CNTN1: variants seen among roughly 807,000 people sequenced by gnomAD.
CNTN1 encodes the protein contactin-1.
In CNTN1, 38 loss-of-function variants were observed where a neutral mutation model predicts 126.4. The ratio of observed to expected loss-of-function variants is 0.30; its 90% CI spans 0.23 to 0.39. The LOEUF is 0.39. Ranked by LOEUF, CNTN1 falls within the 10% of genes least tolerant of loss-of-function variation. The pLI is 1.00. For missense variants in CNTN1, 1,009 were observed against 1,248.4 expected (o/e 0.81, Z 2.89); for synonymous variants, 413 against 422.6 (o/e 0.98, Z 0.28).
At chr12:40,777,306 T>C (rs561271790) in intron 1 of CNTN1, among the ~76,000 whole-genome samples, 1 of 151,774 alleles carries the variant, frequency 6.6e-6, no homozygotes, top group Non-Finnish European at 1.5e-5. Context: ...TTGAAATTTC[T>C]TTTATATATG....
intron 1 of CNTN1, among the ~76,000 whole-genome samples, chr12:40,699,669 C>G: frequency 6.6e-6 from 1 of 151,924 alleles, no homozygotes; most frequent in East Asian, 1.9e-4. Flanking sequence ...TGGTAGATTA[C>G]AAAGCATGGT....
intron 1 of CNTN1, among the ~76,000 whole-genome samples, chr12:40,822,848 C>G (rs1592126565): frequency 6.6e-6 from 1 of 152,168 alleles, no homozygotes; most frequent in East Asian, 1.9e-4. Flanking sequence ...AATCCATCAC[C>G]CAGGTAATGA....
chr12:41,059,393 C>A (rs1012392931), intron 23 of CNTN1, among the ~76,000 whole-genome samples: 13 of 152,146 alleles, frequency 8.5e-5, no homozygotes, highest in African/African-American at 3.1e-4. Context: ...TATTGGCTGT[C>A]ATTGCTATTG....
intron 15 of CNTN1, among the ~76,000 whole-genome samples, chr12:40,980,120 C>G (rs1947780251): frequency 6.6e-6 from 1 of 151,984 alleles, no homozygotes; most frequent in African/African-American, 2.4e-5. Flanking sequence ...AATGAATTAC[C>G]TATAACATTT....
chr12:40,965,473 A>G (rs919532359), intron 15 of CNTN1, among the ~76,000 whole-genome samples: 6 of 152,194 alleles, frequency 3.9e-5, no homozygotes, highest in African/African-American at 1.4e-4. Context: ...AATTTTTACT[A>G]AATAGTAAAA....
chr12:41,067,494 G>A (rs1401544161), intron 23 of CNTN1, among the ~76,000 whole-genome samples: 2 of 151,826 alleles, frequency 1.3e-5, no homozygotes, highest in Non-Finnish European at 2.9e-5. Flanking sequence ...TCAGAATGAT[G>A]ATTTCCAATT....
chr12:40,822,146 A>ATTTTTTTTTTTTTTTTTT (rs1315956279), intron 1 of CNTN1, among the ~76,000 whole-genome samples: 48 of 81,874 alleles, frequency 5.9e-4, no homozygotes, highest in Non-Finnish European at 9.4e-4. Flanking sequence ...CAAAATATAA[A>ATTTTTTTTTTTTTTTTTT]TCTTTTTTTT....
At chr12:40,848,815 C>T (rs1339186902) in intron 1 of CNTN1, among the ~76,000 whole-genome samples, 1 of 131,024 alleles carries the variant, frequency 7.6e-6, no homozygotes, top group Non-Finnish European at 1.6e-5. Context: ...CACTCTAGGG[C>T]ACCAGGTGTG....
At chr12:40,904,877 G>T (rs1330832383) in intron 1 of CNTN1, among the ~76,000 whole-genome samples, 1 of 152,202 alleles carries the variant, frequency 6.6e-6, no homozygotes, top group Non-Finnish European at 1.5e-5. Flanking sequence ...AACAAGATAT[G>T]TATCCCCTGC....
chr12:40,864,286 C>CT (rs1190722638), intron 1 of CNTN1, among the ~76,000 whole-genome samples: 25 of 152,082 alleles, frequency 1.6e-4, no homozygotes, highest in African/African-American at 5.3e-4. Context: ...TCTCAAAGTG[C>CT]TGGGATTACA....
At chr12:41,008,512 T>C (rs1452922554) in intron 17 of CNTN1, among the ~76,000 whole-genome samples, 1 of 152,174 alleles carries the variant, frequency 6.6e-6, no homozygotes, top group African/African-American at 2.4e-5. Flanking sequence ...TTGGGAGAAA[T>C]ATGTCATTGG....
chr12:40,924,469 A>T, intron 5 of CNTN1, 88 bp from the exon 6 acceptor site: 2 of 746,356 alleles, frequency 2.7e-6, no homozygotes, highest in East Asian at 2.7e-5. Flanking sequence ...CTCACGAATG[A>T]GTTATTTGCT....
chr12:40,980,538 A>C (rs755202398), intron 15 of CNTN1, among the ~76,000 whole-genome samples: 4 of 151,938 alleles, frequency 2.6e-5, no homozygotes, highest in Non-Finnish European at 4.4e-5. Flanking sequence ...TCCCATATCT[A>C]AACTGAATTG....
chr12:40,842,229 T>A (rs1942313462), intron 1 of CNTN1, among the ~76,000 whole-genome samples: 1 of 152,110 alleles, frequency 6.6e-6, no homozygotes, highest in African/African-American at 2.4e-5. Context: ...AGTATCTTGA[T>A]GAACAAGTTT....
At chr12:40,806,683 C>CA (rs1331942493) in intron 1 of CNTN1, among the ~76,000 whole-genome samples, 4 of 152,134 alleles carry the variant, frequency 2.6e-5, no homozygotes, top group African/African-American at 9.7e-5. Context: ...TTCAGATTGA[C>CA]ATGGTAGCCC....
intron 1 of CNTN1, among the ~76,000 whole-genome samples, chr12:40,743,508 T>C (rs1490075749): frequency 6.6e-6 from 1 of 152,102 alleles, no homozygotes; most frequent in Admixed American, 6.6e-5. Flanking sequence ...ATATGACTGG[T>C]GTAAAGATTA....
chr12:40,959,736 G>A (rs1947040481), intron 15 of CNTN1, among the ~76,000 whole-genome samples: 1 of 151,904 alleles, frequency 6.6e-6, no homozygotes, highest in Non-Finnish European at 1.5e-5. Flanking sequence ...TAATATAATT[G>A]AGATTGTGAT....
Position 40,943,995 on chromosome 12 carries a change from A to C in CNTN1, c.1508A>C (p.Asp503Ala), listed in dbSNP as rs199754941. 1.8e-5 allele frequency: 29 copies of C among 1,613,108 alleles called. No homozygotes were observed. In the East Asian group the frequency reaches 5.1e-4, roughly 29 times the overall value. The part of the protein sequence containing the change: ...ANSTGTLVIT[D>A]PTRIILAPIN... ...GTGCTTTACATTTAAAAATATATAGATCCTACGCGAATTATATTGGCCCCA... is the reference window on the plus strand; with the variant it reads ...GTGCTTTACATTTAAAAATATATAGCTCCTACGCGAATTATATTGGCCCCA... The change falls in exon 14 of 24, where the codon GAT (aspartate) becomes GCT (alanine). Residue 503 changes from aspartate to alanine, a missense_variant and splice_region_variant. By Grantham distance (126) the Asp-to-Ala change is moderately radical (BLOSUM62 -2). Coordinates refer to ENST00000551295, the MANE Select transcript of CNTN1 (RefSeq NM_001843.4).
At chr12:40,753,738 C>T (rs1938492710) in intron 1 of CNTN1, among the ~76,000 whole-genome samples, 1 of 152,004 alleles carries the variant, frequency 6.6e-6, no homozygotes, top group African/African-American at 2.4e-5. Context: ...CAAACCATAT[C>T]ATTATTTTTC....
Sources: gnomAD v4.1 joint callset for allele counts (sites outside exome capture counted in the v4.1 genomes callset) on GRCh38, gnomAD v4.1.1 for gene constraint, MANE v1.5 for transcripts, NCBI Gene and HGNC (gene_info 2026-07-23, HGNC 2026-07-21) for gene names.